The following ZNF254 variants were observed in gnomAD, a reference collection of about 807,000 sequenced individuals.
The protein encoded by ZNF254 is zinc finger protein 254.
A neutral mutation model predicts 12.4 loss-of-function variants in ZNF254; 10 were observed. The observed-to-expected ratio is 0.80, with a 90% CI of 0.50 to 1.36. The LOEUF (loss-of-function observed/expected upper bound fraction) is 1.36, where lower values mean the gene tolerates loss of function less well. Among genes scored for constraint, ZNF254 ranks in the 40% most tolerant of loss-of-function variants. The pLI is 0.00. For synonymous variants in ZNF254, 305 were observed against 253.4 expected (o/e 1.20, Z -1.93); for missense variants, 996 against 763.9 (o/e 1.30, Z -3.58).
chr19:24,091,791 C>G (rs1351315114), intron 1 of ZNF254: 2 of 968,642 alleles, frequency 2.1e-6, no homozygotes, highest in African/African-American at 1.8e-5. Flanking sequence ...CTGCGCCCAG[C>G]CCTATATCCT....
chr19:24,063,636 T>G (rs748574529), intron 2 of ZNF254, among the ~76,000 whole-genome samples: 4 of 152,188 alleles, frequency 2.6e-5, no homozygotes, highest in African/African-American at 4.8e-5. Context: ...AAATGTGACT[T>G]ACTTTTCCTG....
chr19:24,110,783 T>C lies in ZNF254; in HGVS notation c.253+4140T>C, dbSNP rs116486481. ...TATTTATATAAGTAAAATCATAACA[T>C]CCATCATTTCATTACTGGTTTATTT... On this transcript the variant is annotated intron_variant, in intron 3 of 3. Transcript: ENST00000357002. 3.0e-3 allele frequency among the ~76,000 whole-genome samples: 455 copies of C among 152,244 alleles called. 1 individual carries two copies. Among genetic ancestry groups the C allele is most frequent in the African/African-American group, 0.011 (441 of 41,572 alleles).
intron 1 of ZNF254, among the ~76,000 whole-genome samples, chr19:24,097,997 G>A (rs1972773849): frequency 6.6e-6 from 1 of 151,978 alleles, no homozygotes; most frequent in Non-Finnish European, 1.5e-5. Flanking sequence ...ACAATAGTAT[G>A]AATAAAGCCA....
chr19:24,097,861 G>T (rs1223103406), intron 1 of ZNF254, among the ~76,000 whole-genome samples: 2 of 151,482 alleles, frequency 1.3e-5, no homozygotes, highest in Non-Finnish European at 2.9e-5. Context: ...AAACAATTCA[G>T]TTTATAAACT....
At chr19:24,114,905 C>T (rs1295098097) in intron 3 of ZNF254, among the ~76,000 whole-genome samples, 1 of 152,210 alleles carries the variant, frequency 6.6e-6, no homozygotes, top group Non-Finnish European at 1.5e-5. Flanking sequence ...ATTTATGCAG[C>T]CAAAAAACAC....
intron 1 of ZNF254, among the ~76,000 whole-genome samples, chr19:24,092,673 G>T (rs1287080606): frequency 6.6e-6 from 1 of 152,178 alleles, no homozygotes; most frequent in Non-Finnish European, 1.5e-5. Flanking sequence ...GAGCCATTGT[G>T]CCTGATCATA....
At chr19:24,080,468 C>T (rs1344976296) in intron 2 of ZNF254, 2 of 152,198 alleles carry the variant, frequency 1.3e-5, no homozygotes, top group African/African-American at 4.8e-5. Context: ...AGACCTTCCA[C>T]CACGGTTTCC....
intron 2 of ZNF254, chr19:24,078,435 A>G (rs1971736451): frequency 2.6e-5 from 4 of 152,206 alleles, no homozygotes; most frequent in Admixed American, 2.6e-4. Context: ...TTAAATATGA[A>G]TTCTTGGTAA....
At chr19:24,113,979 A>T (rs867589177) in intron 3 of ZNF254, among the ~76,000 whole-genome samples, 4 of 152,126 alleles carry the variant, frequency 2.6e-5, no homozygotes, top group Admixed American at 2.6e-4. Context: ...AGGGATGTGG[A>T]GGACCTCTTC....
At chr19:24,040,236 T>C (rs1209058083) in intron 1 of ZNF254, among the ~76,000 whole-genome samples, 1 of 152,182 alleles carries the variant, frequency 6.6e-6, no homozygotes, top group Non-Finnish European at 1.5e-5. Flanking sequence ...GGAACAACTA[T>C]TGGATCTGCA....
At chr19:24,070,371 GA>G (rs1971439304) in intron 2 of ZNF254, among the ~76,000 whole-genome samples, 1 of 152,168 alleles carries the variant, frequency 6.6e-6, no homozygotes, top group Admixed American at 6.5e-5. Flanking sequence ...CATCCTTTTA[GA>G]AAAACACAAC....
intron 2 of ZNF254, among the ~76,000 whole-genome samples, chr19:24,077,596 G>GTCTA (rs1971703071): frequency 6.6e-6 from 1 of 152,238 alleles, no homozygotes; most frequent in Admixed American, 6.5e-5. Context: ...CTTTCAGCCA[G>GTCTA]TCTATCTTAT....
intron 1 of ZNF254, among the ~76,000 whole-genome samples, chr19:24,096,734 C>T (rs1972693624): frequency 6.6e-6 from 1 of 152,162 alleles, no homozygotes; most frequent in African/African-American, 2.4e-5. Flanking sequence ...CTTCAGTTAT[C>T]TGTTTGTTAG....
intron 2 of ZNF254, among the ~76,000 whole-genome samples, chr19:24,076,423 CTA>C (rs2145540995): frequency 6.6e-6 from 1 of 152,268 alleles, no homozygotes; most frequent in Non-Finnish European, 1.5e-5. Context: ...TGTGACTCCT[CTA>C]TTCTGGCTGC....
chr19:24,124,056 TTTA>T (rs1352750632), intron 3 of ZNF254, among the ~76,000 whole-genome samples: 1 of 152,120 alleles, frequency 6.6e-6, no homozygotes, highest in African/African-American at 2.4e-5. Context: ...ATCTTTGTCT[TTTA>T]TTCTCTTTCC....
Position 24,126,518 on chromosome 19 carries a change from A to C in ZNF254, c.518A>C (p.Lys173Thr). The change falls in exon 4 of 4, where the codon AAG (lysine) becomes ACG (threonine). Residue 173 changes from lysine (K) to threonine (T), a missense_variant. Lys to Thr is a moderately conservative substitution (Grantham distance 78, BLOSUM62 -1). Coordinates refer to ENST00000357002, the MANE Select transcript of ZNF254 (RefSeq NM_203282.4). ...AAATTTTTAAATTCAAACAGACCTA[A>C]GATAAGACATACTGAAAAGAAATCT... ...FYKFLNSNRP[K>T]IRHTEKKSFK... The C allele has an allele frequency of 6.3e-7, 1 of 1,597,936 alleles. No homozygotes were observed. The highest frequency in any genetic ancestry group is 8.5e-7 in the Non-Finnish European group (1 of 1,175,144).
chr19:24,070,028 A>T (rs1393348789), intron 2 of ZNF254, among the ~76,000 whole-genome samples: 1 of 152,358 alleles, frequency 6.6e-6, no homozygotes, highest in East Asian at 1.9e-4. Context: ...TGCAGTCCAC[A>T]GTTGGAATTG....
intron 2 of ZNF254, among the ~76,000 whole-genome samples, chr19:24,059,170 C>T (rs1421899986): frequency 1.3e-5 from 2 of 152,226 alleles, no homozygotes; most frequent in Non-Finnish European, 2.9e-5. Flanking sequence ...CAGCCTGGAT[C>T]CTGCCCACAG....
At chr19:24,086,499 C>T (rs1183027299), upstream of ZNF254, among the ~76,000 whole-genome samples, 1 of 150,336 alleles carries the variant, frequency 6.7e-6, no homozygotes, top group East Asian at 2.0e-4. Flanking sequence ...TTTTTTGAGA[C>T]GGAATTTTAC....
Sources: allele counts gnomAD v4.1 joint callset (sites outside exome capture counted in the v4.1 genomes callset), GRCh38; gene constraint gnomAD v4.1.1; transcripts MANE v1.5; gene names NCBI Gene and HGNC (gene_info 2026-07-23, HGNC 2026-07-21).